Variants in HPSE2 observed in about 807,000 individuals in gnomAD.
HPSE2 encodes the protein inactive heparanase-2.
A neutral mutation model predicts 60.5 loss-of-function variants in HPSE2; 38 were observed. The observed-to-expected ratio is 0.63, with a 90% confidence interval of 0.48 to 0.82. The LOEUF is 0.82. HPSE2 is among the 40% of genes least tolerant of loss of function. HPSE2 has a pLI of 0.00. For missense variants in HPSE2, 713 were observed against 740.4 expected (o/e 0.96, Z 0.43); for synonymous variants, 295 against 293.2 (o/e 1.01, Z -0.06).
intron 3 of HPSE2, among the ~76,000 whole-genome samples, chr10:99,033,169 A>T (rs999276749): frequency 6.6e-6 from 1 of 152,202 alleles, no homozygotes; most frequent in Admixed American, 6.5e-5. Context: ...TTAGATACAT[A>T]TATATTTCTT....
chr10:99,065,717 T>C (rs886690782), intron 3 of HPSE2, among the ~76,000 whole-genome samples: 1 of 151,948 alleles, frequency 6.6e-6, no homozygotes, highest in African/African-American at 2.4e-5. Context: ...GCTTGAAGAG[T>C]GAGTAGGCAT....
At chr10:98,706,937 G>T (rs187144440) in intron 5 of HPSE2, among the ~76,000 whole-genome samples, 2 of 152,120 alleles carry the variant, frequency 1.3e-5, no homozygotes, top group Admixed American at 1.3e-4. Flanking sequence ...CGTCTTCCAC[G>T]TATGTTTGTT....
At chr10:99,085,050 G>A (rs774966881) in intron 3 of HPSE2, among the ~76,000 whole-genome samples, 16 of 151,942 alleles carry the variant, frequency 1.1e-4, no homozygotes, top group Middle Eastern at 3.2e-3. Flanking sequence ...CACCCTTCAC[G>A]TGGCCTGTAG....
chr10:99,181,415 A>AAAAAAAC (rs1847772321), intron 2 of HPSE2, among the ~76,000 whole-genome samples: 1 of 124,092 alleles, frequency 8.1e-6, no homozygotes, highest in African/African-American at 2.6e-5. Flanking sequence ...AAAAAAAAAA[A>AAAAAAAC]AAAAAAGACA....
chr10:98,723,359 G>A (rs1395611299), intron 4 of HPSE2, among the ~76,000 whole-genome samples: 3 of 146,094 alleles, frequency 2.1e-5, no homozygotes, highest in East Asian at 4.0e-4. Flanking sequence ...TGCTGAATTC[G>A]GTTTGCCAGT....
chr10:99,054,377 A>G (rs1958061744), intron 3 of HPSE2, among the ~76,000 whole-genome samples: 1 of 152,188 alleles, frequency 6.6e-6, no homozygotes, highest in East Asian at 1.9e-4. Flanking sequence ...GCTGGCATTC[A>G]GTTGAGACAT....
chr10:99,152,193 C>A (rs1846295997), intron 2 of HPSE2, among the ~76,000 whole-genome samples: 1 of 151,772 alleles, frequency 6.6e-6, no homozygotes, highest in African/African-American at 2.4e-5. Flanking sequence ...CGCCTGTAGT[C>A]CCAGCTACTT....
At chr10:99,228,569 C>T (rs748332979) in intron 2 of HPSE2, among the ~76,000 whole-genome samples, 1 of 152,094 alleles carries the variant, frequency 6.6e-6, no homozygotes, top group Non-Finnish European at 1.5e-5. Context: ...GCAGGTAAAG[C>T]ATAACATTAC....
intron 9 of HPSE2, among the ~76,000 whole-genome samples, chr10:98,529,773 C>A (rs1326104354): frequency 1.3e-5 from 2 of 152,146 alleles, no homozygotes; most frequent in Admixed American, 1.3e-4. Context: ...TGCCACTGTA[C>A]CCTTCTCTTT....
rs930632727 is a variant in HPSE2, at chr10:99,232,521, A to G, written c.291-16T>C. The G allele has an allele frequency of 1.3e-6, 2 of 1,550,550 alleles. No homozygotes were observed. Among genetic ancestry groups the G allele is most frequent in the African/African-American group, 1.4e-5 (1 of 73,028 alleles). ...GCGCTTGGAGCTGCAGAGGAAGAGAATAAGAGAGGAAAGGTTCCCAGGACA... is the reference window on the plus strand; with the variant it reads ...GCGCTTGGAGCTGCAGAGGAAGAGAGTAAGAGAGGAAAGGTTCCCAGGACA... On this transcript the variant is annotated splice_polypyrimidine_tract_variant and intron_variant, in intron 1 of 11. Coordinates refer to ENST00000370552, the MANE Select transcript of HPSE2 (RefSeq NM_021828.5).
chr10:98,843,076 C>T (rs751826931), intron 3 of HPSE2, among the ~76,000 whole-genome samples: 24 of 151,896 alleles, frequency 1.6e-4, no homozygotes, highest in Non-Finnish European at 2.5e-4. Context: ...TACATATTCA[C>T]GTTTGTTATA....
In HPSE2 at chr10:98,852,113, A is replaced by ATATATGTGTGTG. The variant is rs779720749; in HGVS notation, c.611-108058_611-108057insCACACACATATA. The stretch of plus-strand genomic sequence containing the variant: ...GGTTTTGCAAACCTTGTATATTATG[A>ATATATGTGTGTG]TGTGTGTGTGTGTGTGTGTGTGTGT... On this transcript the variant is annotated intron_variant, in intron 3 of 11. Coordinates refer to ENST00000370552, the MANE Select transcript of HPSE2 (RefSeq NM_021828.5). Among the ~76,000 whole-genome samples, 599 of 91,828 alleles carry ATATATGTGTGTG rather than the reference A, an allele frequency of 6.5e-3. 7 individuals are homozygous for ATATATGTGTGTG. Among genetic ancestry groups the ATATATGTGTGTG allele is most frequent in the Non-Finnish European group, 7.8e-3 (368 of 47,392 alleles). The allele number at this position is 91,828 out of a possible 152,430, so 60.2% of individuals were successfully genotyped here.
At chr10:98,858,093 T>G (rs992816196) in intron 3 of HPSE2, among the ~76,000 whole-genome samples, 47 of 152,198 alleles carry the variant, frequency 3.1e-4, no homozygotes, top group Admixed American at 2.0e-3. Context: ...TCTTCCTATC[T>G]TATAGAGAAG....
At chr10:98,512,077 C>T (rs1942426757) in intron 9 of HPSE2, among the ~76,000 whole-genome samples, 2 of 152,196 alleles carry the variant, frequency 1.3e-5, no homozygotes, top group African/African-American at 4.8e-5. Flanking sequence ...GGTTTTTGCA[C>T]CAGATGTGGC....
At chr10:98,877,384 A>G (rs1035914680) in intron 3 of HPSE2, among the ~76,000 whole-genome samples, 1 of 151,910 alleles carries the variant, frequency 6.6e-6, no homozygotes, top group Non-Finnish European at 1.5e-5. Flanking sequence ...AAAGCAGTTT[A>G]GGTAGTTTAG....
intron 3 of HPSE2, among the ~76,000 whole-genome samples, chr10:98,792,959 A>G (rs1045616848): frequency 2.0e-5 from 3 of 152,234 alleles, no homozygotes; most frequent in African/African-American, 7.2e-5. Flanking sequence ...CATCTCCAGC[A>G]TGTCTTAAAT....
the HPSE2 span, among the ~76,000 whole-genome samples, chr10:99,288,942 T>A: frequency 6.6e-6 from 1 of 152,188 alleles, no homozygotes; most frequent in Non-Finnish European, 1.5e-5. Flanking sequence ...ATAGTTTAGC[T>A]GTGAATATTT....
the HPSE2 span, among the ~76,000 whole-genome samples, chr10:99,272,242 C>G: frequency 6.7e-6 from 1 of 149,276 alleles, no homozygotes; most frequent in Non-Finnish European, 1.5e-5. Context: ...TGCACTCCAG[C>G]CTGGGCAACA....
intron 3 of HPSE2, among the ~76,000 whole-genome samples, chr10:98,857,997 G>A (rs1399291362): frequency 6.6e-6 from 1 of 152,088 alleles, no homozygotes; most frequent in African/African-American, 2.4e-5. Context: ...TAATAATGGC[G>A]ATCAAATAAT....
Sources: gnomAD v4.1 joint callset for allele counts (sites outside exome capture counted in the v4.1 genomes callset) on GRCh38, gnomAD v4.1.1 for gene constraint, MANE v1.5 for transcripts, NCBI Gene and HGNC (gene_info 2026-07-23, HGNC 2026-07-21) for gene names.